ARMH4: variants seen among roughly 807,000 people sequenced by gnomAD.
ARMH4 encodes the protein armadillo-like helical domain-containing protein 4.
ARMH4 carries 49 observed loss-of-function variants against 61.9 expected under a neutral mutation model. The observed-to-expected ratio is 0.79, with a 90% CI of 0.63 to 1.00. ARMH4 has a LOEUF of 1.00. Ranked by LOEUF, ARMH4 falls within the 50% of genes least tolerant of loss-of-function variation. The probability of loss-of-function intolerance (pLI) is 0.00; values close to 1 mark genes in which losing one functional copy is unlikely to be tolerated. For synonymous variants in ARMH4, 368 were observed against 341.5 expected (o/e 1.08, Z -0.85); for missense variants, 934 against 930.0 (o/e 1.00, Z -0.06).
At chr14:58,095,366 G>A (rs376604307) in intron 5 of ARMH4, among the ~76,000 whole-genome samples, 9 of 151,498 alleles carry the variant, frequency 5.9e-5, no homozygotes, top group Non-Finnish European at 8.8e-5. Flanking sequence ...TAACCTGTTC[G>A]GTATAAATTA....
chr14:58,065,565 T>C (rs1228497086), intron 5 of ARMH4, among the ~76,000 whole-genome samples: 2 of 152,254 alleles, frequency 1.3e-5, no homozygotes, highest in Admixed American at 6.5e-5. Flanking sequence ...TATTCTTTAC[T>C]GGAGGAGAGA....
intron 5 of ARMH4, among the ~76,000 whole-genome samples, chr14:58,084,456 G>C (rs1885321846): frequency 6.6e-6 from 1 of 152,078 alleles, no homozygotes; most frequent in South Asian, 2.1e-4. Context: ...TACTTTATCA[G>C]GTTTGTGATA....
chr14:58,115,310 A>T (rs1174053605), intron 4 of ARMH4, among the ~76,000 whole-genome samples: 1 of 152,210 alleles, frequency 6.6e-6, no homozygotes, highest in Non-Finnish European at 1.5e-5. Flanking sequence ...TCAAAAGAAG[A>T]CTTATGAAAA....
Position 58,139,126 on chromosome 14 carries a change from G to C in ARMH4, c.233C>G (p.Ser78Ter). Residue 78 changes from serine (S) to a stop codon, truncating the protein, a stop_gained, in exon 2 of 8, where the codon TCA (serine) becomes TGA (stop). Coordinates refer to ENST00000267485, the MANE Select transcript of ARMH4 (RefSeq NM_001001872.4). LOFTEE classifies it high-confidence loss of function. Reference protein sequence around the residue: ...LVVSEDPMMMSAVPSATSLNK... With the variant: ...LVVSEDPMMM The stretch of plus-strand genomic sequence containing the variant: ...TAATGATGTTGCCGATGGTACTGCT[G>C]ACATCATCATTGGATCTTCAGAGAC... The C allele has an allele frequency of 6.2e-7, 1 of 1,614,230 alleles. No homozygotes were observed. Among genetic ancestry groups the C allele is most frequent in the Non-Finnish European group, 8.5e-7 (1 of 1,180,048 alleles).
chr14:58,027,328 A>C (rs1182843269), intron 5 of ARMH4, among the ~76,000 whole-genome samples: 1 of 152,228 alleles, frequency 6.6e-6, no homozygotes, highest in Non-Finnish European at 1.5e-5. Flanking sequence ...TTTGAGTTTT[A>C]TTTAAAGAAG....
chr14:58,039,194 A>G (rs1169241931), intron 5 of ARMH4, among the ~76,000 whole-genome samples: 1 of 152,194 alleles, frequency 6.6e-6, no homozygotes, highest in African/African-American at 2.4e-5. Flanking sequence ...CTATCATTTG[A>G]GTCTTTCTCT....
intron 5 of ARMH4, among the ~76,000 whole-genome samples, chr14:58,088,065 G>C (rs1885437753): frequency 6.6e-6 from 1 of 152,072 alleles, no homozygotes; most frequent in South Asian, 2.1e-4. Context: ...ATTCATTTTT[G>C]GGTATTTAAC....
chr14:58,004,933 C>T (rs1423288091), intron 7 of ARMH4, 115 bp downstream of exon 7: 2 of 1,540,918 alleles, frequency 1.3e-6, no homozygotes, highest in African/African-American at 2.7e-5. Context: ...ATCCAGACCA[C>T]TGGGCACGTC....
intron 5 of ARMH4, among the ~76,000 whole-genome samples, chr14:58,080,360 T>C (rs973123963): frequency 2.0e-5 from 3 of 151,978 alleles, no homozygotes; most frequent in Non-Finnish European, 2.9e-5. Context: ...AACTCCCAAC[T>C]TCAGGTGATC....
At chr14:58,067,398 C>T (rs1475771111) in intron 5 of ARMH4, among the ~76,000 whole-genome samples, 1 of 152,140 alleles carries the variant, frequency 6.6e-6, no homozygotes, top group African/African-American at 2.4e-5. Context: ...CAATGCAAAA[C>T]AGGACTTAGT....
intron 4 of ARMH4, among the ~76,000 whole-genome samples, chr14:58,119,558 A>G (rs1486916077): frequency 6.6e-6 from 1 of 152,192 alleles, no homozygotes; most frequent in Non-Finnish European, 1.5e-5. Flanking sequence ...CCACACATGG[A>G]AAGCCCTGCT....
At chr14:58,140,835 G>A (rs752624093) in intron 1 of ARMH4, among the ~76,000 whole-genome samples, 14 of 152,004 alleles carry the variant, frequency 9.2e-5, no homozygotes, top group African/African-American at 2.2e-4. Context: ...CCCGGGAGGC[G>A]GAGGTTGCAA....
intron 4 of ARMH4, among the ~76,000 whole-genome samples, chr14:58,100,786 C>T (rs149464409): frequency 1.6e-4 from 24 of 152,238 alleles, no homozygotes; most frequent in African/African-American, 4.8e-4. Flanking sequence ...AAGATCACAG[C>T]TTCACAATGT....
intron 6 of ARMH4, among the ~76,000 whole-genome samples, chr14:58,008,540 T>A (rs943995270): frequency 7.9e-5 from 12 of 152,222 alleles, no homozygotes; most frequent in African/African-American, 2.9e-4. Context: ...TCAGAATAGC[T>A]GTCATCAAGA....
Position 58,148,846 on chromosome 14 carries a change from TACACACACAC to T in ARMH4, c.-57+3219_-57+3228del, listed in dbSNP as rs138826141. ...TATATTTTAAGGTTTCAGAGTTTAT[TACACACACAC>T]ACACACACACACACACACACACACG... is the stretch of plus-strand genomic sequence containing the variant. On this transcript the variant is annotated intron_variant, in intron 1 of 7. Coordinates refer to ENST00000267485, the MANE Select transcript of ARMH4 (RefSeq NM_001001872.4). Among the ~76,000 whole-genome samples the T allele has an allele frequency of 4.1e-4, 60 of 145,826 alleles. No homozygotes were observed. In the South Asian group the frequency reaches 4.2e-3, roughly 10 times the overall value.
chr14:58,119,850 A>G (rs139488489), intron 4 of ARMH4, among the ~76,000 whole-genome samples: 3 of 152,338 alleles, frequency 2.0e-5, no homozygotes, highest in African/African-American at 7.2e-5. Context: ...TTGCACGGCT[A>G]TAAAACAATT....
chr14:58,061,577 T>A (rs1884532219), intron 5 of ARMH4, among the ~76,000 whole-genome samples: 1 of 152,210 alleles, frequency 6.6e-6, no homozygotes. Flanking sequence ...TTCTGAGAGT[T>A]ACAGGAGAAA....
At chr14:58,127,475 G>A (rs1289344379) in intron 4 of ARMH4, among the ~76,000 whole-genome samples, 3 of 152,138 alleles carry the variant, frequency 2.0e-5, no homozygotes, top group Non-Finnish European at 4.4e-5. Flanking sequence ...CCAGCCATGT[G>A]GAACCTCTTT....
intron 5 of ARMH4, among the ~76,000 whole-genome samples, chr14:58,026,262 T>C (rs1428703173): frequency 1.3e-5 from 2 of 152,054 alleles, no homozygotes; most frequent in East Asian, 3.9e-4. Flanking sequence ...AGCAATAATA[T>C]TCAACATTGC....
Sources: gnomAD v4.1 joint callset for allele counts (sites outside exome capture counted in the v4.1 genomes callset) on GRCh38, gnomAD v4.1.1 for gene constraint, MANE v1.5 for transcripts, NCBI Gene and HGNC (gene_info 2026-07-23, HGNC 2026-07-21) for gene names.